Variants in DPP10 observed in about 807,000 individuals in gnomAD.
DPP10 encodes dipeptidyl peptidase like 10, also known as inactive dipeptidyl peptidase 10.
Under a neutral mutation model 120.9 loss-of-function variants are expected in DPP10, and 33 were observed. That is an observed-to-expected ratio of 0.27 (90% CI 0.21 to 0.37). The LOEUF (loss-of-function observed/expected upper bound fraction) is 0.37, where lower values mean the gene tolerates loss of function less well. DPP10 is among the 10% of genes least tolerant of loss of function. The pLI, the probability that DPP10 is intolerant of heterozygous loss-of-function variation, is 1.00. For missense variants in DPP10, 816 were observed against 942.8 expected, an observed-to-expected ratio of 0.87 and a Z score of 1.76; for synonymous variants, 337 against 326.1, an observed-to-expected ratio of 1.03 and a Z score of -0.36.
intron 2 of DPP10, among the ~76,000 whole-genome samples, chr2:115,326,720 A>C (rs1447006239): frequency 6.6e-6 from 1 of 152,092 alleles, no homozygotes; most frequent in African/African-American, 2.4e-5. Context: ...TTTTTTAAAA[A>C]TAAAAATATT....
intron 1 of DPP10, among the ~76,000 whole-genome samples, chr2:114,981,258 G>A (rs1700073748): frequency 6.6e-6 from 1 of 151,996 alleles, no homozygotes; most frequent in African/African-American, 2.4e-5. Flanking sequence ...TTATGTAACA[G>A]TAAAATATTG....
chr2:115,402,414 AAGAG>A (rs1387684625), intron 3 of DPP10, among the ~76,000 whole-genome samples: 1 of 152,142 alleles, frequency 6.6e-6, no homozygotes, highest in Non-Finnish European at 1.5e-5. Flanking sequence ...CTAATTACAA[AAGAG>A]AGGTTATTCA....
At chr2:115,371,718 T>C (rs574320711) in intron 3 of DPP10, among the ~76,000 whole-genome samples, 23 of 152,262 alleles carry the variant, frequency 1.5e-4, no homozygotes, top group African/African-American at 5.1e-4. Flanking sequence ...AATTCTGATA[T>C]CCAAATATTT....
intron 1 of DPP10, among the ~76,000 whole-genome samples, chr2:114,780,962 G>A (rs1207506014): frequency 6.6e-6 from 1 of 152,048 alleles, no homozygotes; most frequent in African/African-American, 2.4e-5. Context: ...CATTTAATTT[G>A]CATGTACTTG....
chr2:115,660,404 C>T (rs1168777294), intron 5 of DPP10, among the ~76,000 whole-genome samples: 1 of 152,164 alleles, frequency 6.6e-6, no homozygotes, highest in Non-Finnish European at 1.5e-5. Flanking sequence ...GGAGTTTAGG[C>T]TAAGTAAGTT....
chr2:114,751,834 G>A (rs1013234666), intron 1 of DPP10, among the ~76,000 whole-genome samples: 2 of 152,070 alleles, frequency 1.3e-5, no homozygotes, highest in African/African-American at 4.8e-5. Context: ...CCCGTGATTT[G>A]GCTTTTGCAT....
intron 1 of DPP10, among the ~76,000 whole-genome samples, chr2:114,560,848 C>T (rs544424425): frequency 3.3e-5 from 5 of 152,198 alleles, no homozygotes; most frequent in Non-Finnish European, 7.3e-5. Context: ...GGTCCACAAG[C>T]GTATGTTTGA....
At chr2:115,206,841 C>G (rs762254115) in intron 1 of DPP10, among the ~76,000 whole-genome samples, 46 of 152,216 alleles carry the variant, frequency 3.0e-4, no homozygotes, top group Non-Finnish European at 5.6e-4. Context: ...TTTGTCCAAT[C>G]TAGATACAGG....
chr2:114,926,572 A>G (rs1330232934), intron 1 of DPP10, among the ~76,000 whole-genome samples: 1 of 152,166 alleles, frequency 6.6e-6, no homozygotes, highest in Non-Finnish European at 1.5e-5. Context: ...CCTCAGGAAA[A>G]TACTAACTGC....
At chr2:114,479,591 C>A (rs1329678194) in intron 1 of DPP10, among the ~76,000 whole-genome samples, 1 of 152,032 alleles carries the variant, frequency 6.6e-6, no homozygotes, top group African/African-American at 2.4e-5. Flanking sequence ...CTTTGACACA[C>A]CTGACAAAAA....
chr2:114,747,200 C>A (rs1434397896), intron 1 of DPP10, among the ~76,000 whole-genome samples: 1 of 152,146 alleles, frequency 6.6e-6, no homozygotes, highest in East Asian at 1.9e-4. Context: ...ATGTTAGTCA[C>A]ACACACAGTA....
At chr2:115,682,506 AAAG>A (rs1455543872) in intron 5 of DPP10, among the ~76,000 whole-genome samples, 1 of 151,956 alleles carries the variant, frequency 6.6e-6, no homozygotes, top group Non-Finnish European at 1.5e-5. Context: ...AGAGCAATTT[AAAG>A]AAGGTTTTTC....
intron 1 of DPP10, among the ~76,000 whole-genome samples, chr2:114,744,709 T>G (rs1678402387): frequency 6.6e-6 from 1 of 152,184 alleles, no homozygotes; most frequent in Admixed American, 6.6e-5. Context: ...TGGCTGCTTT[T>G]GCACTATAAG....
chr2:115,427,736 A>G (rs967067239), intron 3 of DPP10, among the ~76,000 whole-genome samples: 2 of 152,114 alleles, frequency 1.3e-5, no homozygotes, highest in Non-Finnish European at 2.9e-5. Context: ...ACTCCCTTTT[A>G]GTTATGCAAA....
intron 1 of DPP10, among the ~76,000 whole-genome samples, chr2:114,748,194 TG>T (rs1322030685): frequency 2.0e-5 from 3 of 151,950 alleles, no homozygotes; most frequent in African/African-American, 4.8e-5. Context: ...TTTTCGTTTT[TG>T]TTTTTTTGTT....
At chr2:114,512,138 T>C (rs910649383) in intron 1 of DPP10, among the ~76,000 whole-genome samples, 9 of 152,220 alleles carry the variant, frequency 5.9e-5, no homozygotes, top group Non-Finnish European at 1.3e-4. Flanking sequence ...GTAAGGCTGC[T>C]CTTGACTTTC....
intron 1 of DPP10, among the ~76,000 whole-genome samples, chr2:114,488,015 T>G (rs1681658783): frequency 1.3e-5 from 2 of 152,340 alleles, no homozygotes; most frequent in Admixed American, 6.5e-5. Context: ...TGTGTTTTAT[T>G]CCAATAAAGT....
intron 1 of DPP10, among the ~76,000 whole-genome samples, chr2:114,710,653 G>C (rs569935203): frequency 5.3e-5 from 8 of 152,158 alleles, no homozygotes; most frequent in Non-Finnish European, 1.2e-4. Flanking sequence ...GCTGAGACAG[G>C]AGAATCCCAT....
intron 5 of DPP10, among the ~76,000 whole-genome samples, chr2:115,667,818 C>T (rs1454885188): frequency 6.6e-6 from 1 of 151,188 alleles, no homozygotes; most frequent in East Asian, 1.9e-4. Flanking sequence ...CTTTTATTTC[C>T]TTCTTTCTTA....
Sources: allele counts gnomAD v4.1 joint callset (sites outside exome capture counted in the v4.1 genomes callset), GRCh38; gene constraint gnomAD v4.1.1; transcripts MANE v1.5; gene names NCBI Gene and HGNC (gene_info 2026-07-23, HGNC 2026-07-21).